The following TCF20 variants were observed in gnomAD, a reference collection of about 807,000 sequenced individuals.
TCF20 encodes SPRE-binding protein.
A neutral mutation model predicts 148.6 loss-of-function variants in TCF20; 3 were observed. That is an observed-to-expected ratio of 0.02 (90% CI 0.01 to 0.05). TCF20 has a LOEUF of 0.05. Among genes scored for constraint, TCF20 ranks in the 10% least tolerant of loss-of-function variants. The probability of loss-of-function intolerance (pLI) is 1.00; values close to 1 mark genes in which losing one functional copy is unlikely to be tolerated. For synonymous variants in TCF20, 1,049 were observed against 909.5 expected, an observed-to-expected ratio of 1.15 and a Z score of -2.76; for missense variants, 2,350 against 2,429.3, an observed-to-expected ratio of 0.97 and a Z score of 0.69.
At chr22:42,256,857 T>C (rs1430957793) in intron 1 of TCF20, among the ~76,000 whole-genome samples, 3 of 152,294 alleles carry the variant, frequency 2.0e-5, no homozygotes, top group African/African-American at 7.2e-5. Context: ...TTCTATTTTA[T>C]TGTTCTAAAA....
chr22:42,245,233 A>G (rs1347783554), intron 1 of TCF20, among the ~76,000 whole-genome samples: 4 of 152,110 alleles, frequency 2.6e-5, no homozygotes, highest in Admixed American at 1.3e-4. Context: ...GACTACAGGC[A>G]TGCACCACTA....
chr22:42,194,066 T>C (rs1277212082), intron 2 of TCF20, among the ~76,000 whole-genome samples: 1 of 152,160 alleles, frequency 6.6e-6, no homozygotes, highest in African/African-American at 2.4e-5. Flanking sequence ...ATTAAGGAGC[T>C]AAAGGCAACA....
rs1555947166 is a variant in TCF20, at chr22:42,251,520, T to TTTGG, written c.-37+18818_-37+18819insCCAA. 2.6e-5 allele frequency among the ~76,000 whole-genome samples: 3 copies of TTTGG among 115,814 alleles called. 1 individual carries two copies. The East Asian group carries it at 9.6e-4, about 37-fold the overall frequency. The allele number at this position is 115,814 out of a possible 152,430, so 76.0% of individuals were successfully genotyped here. A position where few individuals can be genotyped will look rare whatever the true frequency, so the allele number is the denominator to read the frequency against. On this transcript the variant is annotated intron_variant, in intron 1 of 5. Coordinates refer to ENST00000677622, the MANE Select transcript of TCF20 (RefSeq NM_001378418.1). The stretch of plus-strand genomic sequence containing the variant: ...TTTTTTTTTTTTTTTTTTTTTTTTT[T>TTTGG]GAGACAGAATCTCACTCTGTCACCC...
chr22:42,194,478 T>C (rs1424782963), intron 2 of TCF20, among the ~76,000 whole-genome samples: 1 of 152,176 alleles, frequency 6.6e-6, no homozygotes, highest in African/African-American at 2.4e-5. Flanking sequence ...CTCAGGTCTC[T>C]ACCAGGGATG....
In TCF20 at chr22:42,295,597, C is replaced by T. The variant is rs561864527; in HGVS notation, c.-37+47882G>A. Among the ~76,000 whole-genome samples the T allele has an allele frequency of 2.6e-5, 4 of 152,218 alleles. No individual in the cohort carries two copies. The South Asian group carries it at 8.3e-4, about 32-fold the overall frequency. ...GAGCTGGGATTACAGGCAGGCACCA[C>T]CACGCCCGGCTAATTTTGTATTTTT... is the stretch of plus-strand genomic sequence containing the variant. On this transcript the variant is annotated intron_variant, in intron 1 of 1. Coordinates refer to the TCF20 transcript ENST00000515426.
chr22:42,182,896 C>G (rs1936849387), intron 2 of TCF20, among the ~76,000 whole-genome samples: 1 of 152,104 alleles, frequency 6.6e-6, no homozygotes. Flanking sequence ...ACCACCACAC[C>G]TGGCAACTTT....
At chr22:42,198,754 T>C (rs1937765188) in intron 2 of TCF20, among the ~76,000 whole-genome samples, 1 of 151,504 alleles carries the variant, frequency 6.6e-6, no homozygotes, top group Non-Finnish European at 1.5e-5. Flanking sequence ...CTCCGCCTCC[T>C]GGGTTCACGC....
chr22:42,214,050 C>T lies in TCF20; in HGVS notation c.1256G>A (p.Ser419Asn). 6.2e-7 allele frequency: 1 copy of T among 1,614,168 alleles called. No individual in the cohort carries two copies. Among genetic ancestry groups the T allele is most frequent in the Non-Finnish European group, 8.5e-7 (1 of 1,180,032 alleles). ...ACTGGGCATCATTGATGGGGTTGGA[C>T]TGAGTTGAGGCATTAACTGTAAAAT... The part of the protein sequence containing the change: ...NRILQLMPQL[S>N]PTPSMMPSPN... The change falls in exon 2 of 6, where the codon AGT becomes AAT. Residue 419 changes from serine to asparagine, a missense_variant. Physicochemically the swap from Ser to Asn is conservative, Grantham distance 46. Coordinates refer to ENST00000677622, the MANE Select transcript of TCF20 (RefSeq NM_001378418.1).
rs1923625220 is a variant in TCF20, at chr22:42,233,619, T to A, written c.-36-18278A>T. Among the ~76,000 whole-genome samples the A allele has an allele frequency of 1.3e-5, 2 of 152,234 alleles. 1 individual carries two copies. Among genetic ancestry groups the A allele is most frequent in the South Asian group, 4.1e-4 (2 of 4,836 alleles). ...CTACCCTTCTATTTCCCCCACAGCGTGGGACCTTAGTTCTCTTACTGCCAC... is the reference window on the plus strand; with the variant it reads ...CTACCCTTCTATTTCCCCCACAGCGAGGGACCTTAGTTCTCTTACTGCCAC... On this transcript the variant is annotated intron_variant, in intron 1 of 5. Transcript: ENST00000677622.
chr22:42,191,793 G>A (rs1937348565), intron 2 of TCF20, among the ~76,000 whole-genome samples: 1 of 152,176 alleles, frequency 6.6e-6, no homozygotes, highest in Non-Finnish European at 1.5e-5. Flanking sequence ...CCAGGACTAG[G>A]TATAAGCCAT....
Position 42,222,174 on chromosome 22 carries a change from T to G in TCF20, c.-36-6833A>C, listed in dbSNP as rs529628498. ...TCTAAAAGACAACAAATGCATTTAT[T>G]ATTAGGCAGTAACTAACTCATTTTC... On this transcript the variant is annotated intron_variant, in intron 1 of 5. Transcript: ENST00000677622. Among the ~76,000 whole-genome samples, 3 of 152,318 alleles carry G rather than the reference T, an allele frequency of 2.0e-5. No individual in the cohort carries two copies. In the South Asian group the frequency reaches 6.2e-4, roughly 32 times the overall value.
intron 1 of TCF20, among the ~76,000 whole-genome samples, chr22:42,339,796 G>A (rs1302828335): frequency 6.6e-6 from 1 of 152,216 alleles, no homozygotes; most frequent in Non-Finnish European, 1.5e-5. Flanking sequence ...CCAGCCAGGT[G>A]CTCACGGGGC....
At chr22:42,243,973 G>A (rs879809848) in intron 1 of TCF20, among the ~76,000 whole-genome samples, 4 of 152,084 alleles carry the variant, frequency 2.6e-5, no homozygotes, top group Non-Finnish European at 5.9e-5. Flanking sequence ...TGGGGGCCAG[G>A]CACACTGGAT....
At chr22:42,163,669 G>A (rs1318208775) in intron 5 of TCF20, among the ~76,000 whole-genome samples, 1 of 152,214 alleles carries the variant, frequency 6.6e-6, no homozygotes, top group African/African-American at 2.4e-5. Context: ...TAGGGGCTGC[G>A]TATGCTAGGG....
rs1927255939 is a variant in TCF20 at position 42,297,398 on chromosome 22, G to A, written c.-37+46081C>T. On this transcript the variant is annotated intron_variant, in intron 1 of 1. Coordinates refer to the TCF20 transcript ENST00000515426. The surrounding 1 kb of genome is among the most constrained non-coding windows in gnomAD (Gnocchi z 4.3). ...AGTGGGTCCTCATTTGCATTAGACG[G>A]TAAATCTAAGGACACTGGTTGTGCC... is the stretch of plus-strand genomic sequence containing the variant. Among the ~76,000 whole-genome samples the A allele has an allele frequency of 6.6e-6, 1 of 152,214 alleles. No homozygotes were observed.
intron 1 of TCF20, among the ~76,000 whole-genome samples, chr22:42,341,950 G>A (rs1928176172): frequency 6.6e-6 from 1 of 152,192 alleles, no homozygotes; most frequent in Non-Finnish European, 1.5e-5. Context: ...TTGAGGATGA[G>A]CAGTTCAGGA....
At chr22:42,249,318 T>C (rs1321208859) in intron 1 of TCF20, among the ~76,000 whole-genome samples, 2 of 152,220 alleles carry the variant, frequency 1.3e-5, no homozygotes, top group East Asian at 3.8e-4. Context: ...CAGCCACCAT[T>C]AATCATATGA....
intron 1 of TCF20, among the ~76,000 whole-genome samples, chr22:42,225,595 T>C (rs545361454): frequency 7.3e-4 from 95 of 129,470 alleles, no homozygotes; most frequent in African/African-American, 2.8e-3. Flanking sequence ...CAGTCCGGCC[T>C]GGGCGACAGA....
intron 2 of TCF20, among the ~76,000 whole-genome samples, chr22:42,184,438 A>G (rs1036723673): frequency 1.3e-5 from 2 of 152,172 alleles, no homozygotes; most frequent in African/African-American, 4.8e-5. Flanking sequence ...TTCCATGTGT[A>G]AGGTTTTCCC....
Sources: allele counts gnomAD v4.1 joint callset (sites outside exome capture counted in the v4.1 genomes callset), GRCh38; gene constraint gnomAD v4.1.1; non-coding constraint Gnocchi (gnomAD v3.1); transcripts MANE v1.5; gene names NCBI Gene and HGNC (gene_info 2026-07-23, HGNC 2026-07-21).